The following USP13 variants were observed in gnomAD, a reference collection of about 807,000 sequenced individuals.
The protein encoded by USP13 is ubiquitin carboxyl-terminal hydrolase 13.
A neutral mutation model predicts 107.8 loss-of-function variants in USP13; 68 were observed. The observed-to-expected ratio is 0.63, with a 90% CI of 0.52 to 0.77. The LOEUF (loss-of-function observed/expected upper bound fraction) is 0.77. Ranked by LOEUF, USP13 falls within the 30% of genes least tolerant of loss-of-function variation. The pLI is 0.00. For synonymous variants in USP13, 377 were observed against 389.5 expected, an observed-to-expected ratio of 0.97 and a Z score of 0.38; for missense variants, 945 against 1,093.3, an observed-to-expected ratio of 0.86 and a Z score of 1.91.
intron 11 of USP13, 117 bp downstream of exon 11, chr3:179,740,489 C>T: frequency 6.8e-7 from 1 of 1,460,404 alleles, no homozygotes; most frequent in South Asian, 1.3e-5. Context: ...TCAATCTCTC[C>T]TGTTAAAGCT....
intron 10 of USP13, among the ~76,000 whole-genome samples, chr3:179,732,645 G>A (rs1427138592): frequency 6.6e-6 from 1 of 152,088 alleles, no homozygotes; most frequent in African/African-American, 2.4e-5. Context: ...TGTGCTCTTG[G>A]GATCTCCTCA....
chr3:179,782,754 C>CT (rs938350313), intron 20 of USP13, among the ~76,000 whole-genome samples: 2 of 151,892 alleles, frequency 1.3e-5, no homozygotes, highest in East Asian at 1.9e-4. Flanking sequence ...GAATTTATCT[C>CT]TTTTTTTTGA....
intron 8 of USP13, among the ~76,000 whole-genome samples, chr3:179,725,095 C>G (rs1010093329): frequency 6.6e-6 from 1 of 152,136 alleles, no homozygotes; most frequent in African/African-American, 2.4e-5. Flanking sequence ...GCCTGTGACA[C>G]CAGATACTCG....
intron 19 of USP13, among the ~76,000 whole-genome samples, chr3:179,771,990 G>A (rs1218641573): frequency 1.3e-5 from 2 of 152,194 alleles, no homozygotes; most frequent in Non-Finnish European, 2.9e-5. Flanking sequence ...CTGCTTATAG[G>A]GAGGTATTCT....
chr3:179,675,540 T>TTATTATTAA (rs1342410146), intron 1 of USP13, among the ~76,000 whole-genome samples: 18 of 149,230 alleles, frequency 1.2e-4, no homozygotes, highest in East Asian at 5.9e-4. Flanking sequence ...ACCTATTTTA[T>TTATTATTAA]TATTATTATT....
rs140403797 is a variant in USP13 at position 179,776,519 on chromosome 3, A to C, written c.2414-5220A>C. ...TTTGATGTTAAAAAATCTTCTTCTT[A>C]GCAAGGTTGGGAAGATTTTCCTGGA... On this transcript the variant is annotated intron_variant, in intron 19 of 20. Coordinates refer to ENST00000263966, the MANE Select transcript of USP13 (RefSeq NM_003940.3). Among the ~76,000 whole-genome samples, 429 of 152,320 alleles carry C rather than the reference A, an allele frequency of 2.8e-3. 2 individuals are homozygous for C. The highest frequency in any genetic ancestry group is 5.5e-3 in the Non-Finnish European group (373 of 68,032).
Position 179,721,630 on chromosome 3 carries a change from C to T in USP13, c.1088+41C>T. 1 of 1,594,590 alleles carries T rather than the reference C, an allele frequency of 6.3e-7. No individual in the cohort carries two copies. The stretch of plus-strand genomic sequence containing the variant: ...GCAGACCAGGGCACGCGGCACCTCC[C>T]TGCCCCATCTAGGTCCAGTCCACTC... On this transcript the variant is annotated intron_variant, in intron 8 of 20. Transcript: ENST00000263966. The surrounding 1 kb of genome is among the most constrained non-coding windows in gnomAD (Gnocchi z 4.3).
rs150977876 is a variant in USP13 at position 179,655,548 on chromosome 3, G to GTTTTTTTTTTTTTTTTT, written c.168+2163_168+2164insTTTTTTTTTTTTTTTTT. ...AAGCACAGTGCGTGATAATGGGAAG[G>GTTTTTTTTTTTTTTTTT]TTTTTTTTGTTTTGTTTTGTTTTTT... On this transcript the variant is annotated intron_variant, in intron 1 of 20. Transcript: ENST00000263966. 3.0e-4 allele frequency among the ~76,000 whole-genome samples: 39 copies of GTTTTTTTTTTTTTTTTT among 131,402 alleles called. 1 individual carries two copies. The highest frequency in any genetic ancestry group is 1.2e-3 in the South Asian group (5 of 4,088). The allele number at this position is 131,402 out of a possible 152,430, so 86.2% of individuals were successfully genotyped here. A position where few individuals can be genotyped will look rare whatever the true frequency, so the allele number is the denominator to read the frequency against.
At chr3:179,665,350 A>G (rs547293294) in intron 1 of USP13, among the ~76,000 whole-genome samples, 5 of 152,334 alleles carry the variant, frequency 3.3e-5, no homozygotes, top group South Asian at 4.1e-4. Context: ...AGTGTCTATT[A>G]TGAGTCAAAC....
At chr3:179,723,153 T>C (rs1032387210) in intron 8 of USP13, among the ~76,000 whole-genome samples, 2 of 152,234 alleles carry the variant, frequency 1.3e-5, no homozygotes, top group Admixed American at 1.3e-4. Flanking sequence ...GTTTTACCCA[T>C]GTGGAGTTGA....
intron 10 of USP13, among the ~76,000 whole-genome samples, chr3:179,732,327 T>C (rs1469427805): frequency 1.3e-5 from 2 of 152,192 alleles, no homozygotes; most frequent in East Asian, 3.9e-4. Flanking sequence ...TGGATAAACC[T>C]CAGTCCAAAA....
rs147194566 is a variant in USP13 at position 179,779,080 on chromosome 3, G to A, written c.2414-2659G>A. On this transcript the variant is annotated intron_variant, in intron 19 of 20. Transcript: ENST00000263966. ...GCCAAGCATGTTTGAGGAGGAGCCC[G>A]GAGGCCAAGGTAGCTGGACCAGAGT... Among the ~76,000 whole-genome samples the A allele has an allele frequency of 7.6e-4, 116 of 152,222 alleles. 2 individuals carry two copies. Among genetic ancestry groups the A allele is most frequent in the African/African-American group, 2.5e-3 (102 of 41,528 alleles).
intron 2 of USP13, among the ~76,000 whole-genome samples, chr3:179,688,167 GTATATCCATCCAT>G (rs1711955307): frequency 1.6e-5 from 1 of 64,152 alleles, no homozygotes; most frequent in Non-Finnish European, 3.4e-5. Context: ...CCATCCATCC[GTATATCCATCCAT>G]CCATCCATTC....
At chr3:179,657,984 C>T (rs1224354757) in intron 1 of USP13, among the ~76,000 whole-genome samples, 1 of 152,020 alleles carries the variant, frequency 6.6e-6, no homozygotes, top group Non-Finnish European at 1.5e-5. Flanking sequence ...GTACTTTGTC[C>T]TGTGTCTCTT....
rs77416454 is a variant in USP13 at position 179,686,583 on chromosome 3, A to G, written c.295-3658A>G. On this transcript the variant is annotated intron_variant, in intron 2 of 20. Transcript: ENST00000263966. ...AACAGAGTGAGACTCTGTCTCTTAGAAAAACAAAACCAACGCCACACAACC... is the reference window on the plus strand; with the variant it reads ...AACAGAGTGAGACTCTGTCTCTTAGGAAAACAAAACCAACGCCACACAACC... Among the ~76,000 whole-genome samples, 613 of 152,294 alleles carry G rather than the reference A, an allele frequency of 4.0e-3. 22 individuals carry two copies. The East Asian group carries it at 0.045, about 11-fold the overall frequency.
At chr3:179,763,955 A>C in intron 17 of USP13, 47 bp from the exon 18 acceptor site, 1 of 1,357,280 alleles carries the variant, frequency 7.4e-7, no homozygotes, top group Non-Finnish European at 9.8e-7. Context: ...CAGGACAAAA[A>C]AAAAAAAAAA....
At chr3:179,781,043 G>T (rs369200322) in intron 19 of USP13, among the ~76,000 whole-genome samples, 48 of 152,298 alleles carry the variant, frequency 3.2e-4, no homozygotes, top group African/African-American at 1.1e-3. Context: ...AACTAAAATG[G>T]ATTCAACATG....
rs189061448 is a variant in USP13, at chr3:179,704,541, C to T, written c.478-2393C>T. ...TCCTTCTTCAGCTTAAAACTCTCAA[C>T]GCTACTGACCGATGACACTGGGCTA... is the stretch of plus-strand genomic sequence containing the variant. On this transcript the variant is annotated intron_variant, in intron 4 of 20. Transcript: ENST00000263966. Among the ~76,000 whole-genome samples the T allele has an allele frequency of 8.5e-5, 13 of 152,186 alleles. No individual in the cohort carries two copies. In the East Asian group the frequency reaches 1.2e-3, roughly 14 times the overall value.
At chr3:179,689,258 A>G (rs1712015471) in intron 2 of USP13, among the ~76,000 whole-genome samples, 1 of 152,154 alleles carries the variant, frequency 6.6e-6, no homozygotes, top group Non-Finnish European at 1.5e-5. Flanking sequence ...ACTTGATTTG[A>G]GAGTAAAATG....
Sources: gnomAD v4.1 joint callset for allele counts (sites outside exome capture counted in the v4.1 genomes callset) on GRCh38, gnomAD v4.1.1 for gene constraint, Gnocchi (gnomAD v3.1) non-coding constraint, MANE v1.5 for transcripts, NCBI Gene and HGNC (gene_info 2026-07-23, HGNC 2026-07-21) for gene names.